ADCK1: variants seen among roughly 807,000 people sequenced by gnomAD.
ADCK1 encodes the protein aarF domain containing kinase 1, also known as aarF domain-containing protein kinase 1.
Under a neutral mutation model 52.3 loss-of-function variants are expected in ADCK1, and 41 were observed. The ratio of observed to expected loss-of-function variants is 0.78; its 90% confidence interval spans 0.61 to 1.02. The LOEUF is 1.02. Among genes scored for constraint, ADCK1 ranks in the 50% least tolerant of loss-of-function variants. The probability of loss-of-function intolerance (pLI) is 0.00; values close to 1 mark genes in which losing one functional copy is unlikely to be tolerated. For synonymous variants in ADCK1, 250 were observed against 274.6 expected, an observed-to-expected ratio of 0.91 and a Z score of 0.89; for missense variants, 658 against 679.5, an observed-to-expected ratio of 0.97 and a Z score of 0.35.
rs1268097991 is a variant in ADCK1 at position 77,875,083 on chromosome 14, GA to G, written c.424-12006del. On this transcript the variant is annotated intron_variant, in intron 4 of 10. Transcript: ENST00000238561. ...TGAGGGGGTCTGAGGCTGGTGTGGG[GA>G]ACAAGAGTAGAACTCACTGGAAGAC... 3.3e-5 allele frequency among the ~76,000 whole-genome samples: 5 copies of G among 152,298 alleles called. No individual in the cohort carries two copies. In the East Asian group the frequency reaches 9.7e-4, roughly 29 times the overall value.
chr14:77,927,455 GT>G (rs538606025), intron 9 of ADCK1, among the ~76,000 whole-genome samples: 5 of 152,204 alleles, frequency 3.3e-5, no homozygotes, highest in Non-Finnish European at 7.3e-5. Context: ...ACAAACATTT[GT>G]TTTTGTTGGG....
At chr14:77,932,956 A>G (rs1370467173) in intron 10 of ADCK1, among the ~76,000 whole-genome samples, 2 of 152,242 alleles carry the variant, frequency 1.3e-5, no homozygotes, top group African/African-American at 2.4e-5. Context: ...GTTCTACCCA[A>G]TGGGTTTATT....
chr14:77,922,750 A>C (rs751269726), intron 7 of ADCK1, among the ~76,000 whole-genome samples: 2 of 152,214 alleles, frequency 1.3e-5, no homozygotes, highest in Non-Finnish European at 2.9e-5. Context: ...TTGATGAATC[A>C]GTTTCACATC....
intron 7 of ADCK1, among the ~76,000 whole-genome samples, chr14:77,918,912 TC>T (rs2083986813): frequency 6.6e-6 from 1 of 152,244 alleles, no homozygotes; most frequent in African/African-American, 2.4e-5. Context: ...GGTTGTGACT[TC>T]TTTTTATGCC....
intron 9 of ADCK1, among the ~76,000 whole-genome samples, chr14:77,926,389 G>A (rs980691097): frequency 3.9e-5 from 6 of 152,192 alleles, no homozygotes; most frequent in African/African-American, 1.4e-4. Flanking sequence ...CCCATCACAT[G>A]GCTCCTCTAA....
intron 10 of ADCK1, 25 bp downstream of exon 10, chr14:77,931,736 T>A (rs372083855): frequency 1.1e-5 from 17 of 1,591,140 alleles, no homozygotes; most frequent in Middle Eastern, 1.7e-4. Context: ...CTCCCTCTCC[T>A]CCCCTCCTAG....
rs918122337 is a variant in ADCK1, at chr14:77,910,123, A to G, written c.858+2204A>G. On this transcript the variant is annotated intron_variant, in intron 7 of 10. Coordinates refer to ENST00000238561, the MANE Select transcript of ADCK1 (RefSeq NM_020421.4). ...GAACAGTGCTTCAATAACCCATTCA[A>G]GGGCCTTGGGGTGTGTGGGATATGG... Among the ~76,000 whole-genome samples, 3 of 152,046 alleles carry G rather than the reference A, an allele frequency of 2.0e-5. No individual in the cohort carries two copies. The South Asian group carries it at 6.2e-4, about 32-fold the overall frequency.
intron 6 of ADCK1, chr14:77,900,729 T>C: frequency 2.6e-6 from 1 of 388,754 alleles, no homozygotes; most frequent in Non-Finnish European, 5.1e-6. Flanking sequence ...TGCAGCTTTC[T>C]GCATTCACAG....
chr14:77,879,575 G>A (rs2082975555), intron 4 of ADCK1, among the ~76,000 whole-genome samples: 1 of 152,176 alleles, frequency 6.6e-6, no homozygotes, highest in African/African-American at 2.4e-5. Context: ...GAGGTAGGCC[G>A]GGTCAGACCC....
chr14:77,818,895 G>T lies in ADCK1; in HGVS notation c.-11-73G>T, dbSNP rs561410967. The T allele has an allele frequency of 5.3e-5, 81 of 1,541,134 alleles. No individual in the cohort carries two copies. In the South Asian group the frequency reaches 9.3e-4, roughly 18 times the overall value. ...CATATAATCTAAGTGGTAGAGCTGG[G>T]ATTTGAACTTCAGTTTGACTAACTA... On this transcript the variant is annotated intron_variant, in intron 1 of 10. Transcript: ENST00000238561.
intron 6 of ADCK1, among the ~76,000 whole-genome samples, chr14:77,905,425 C>T (rs988115368): frequency 2.0e-5 from 3 of 149,224 alleles, no homozygotes; most frequent in African/African-American, 7.4e-5. Flanking sequence ...ATTCTCTTTC[C>T]TCAGCCTCAG....
At chr14:77,879,131 T>G (rs2082963667) in intron 4 of ADCK1, among the ~76,000 whole-genome samples, 1 of 151,974 alleles carries the variant, frequency 6.6e-6, no homozygotes, top group Non-Finnish European at 1.5e-5. Flanking sequence ...GTGTTTCAGC[T>G]CCCCTGGATC....
At chr14:77,858,891 G>T (rs540278532) in intron 3 of ADCK1, among the ~76,000 whole-genome samples, 185 bp from the exon 4 acceptor site, 14 of 152,140 alleles carry the variant, frequency 9.2e-5, no homozygotes, top group Non-Finnish European at 2.1e-4. Flanking sequence ...GGAGTTGACT[G>T]CCCCGTGTAC....
chr14:77,833,252 G>T (rs77413855), intron 3 of ADCK1, among the ~76,000 whole-genome samples: 155 of 152,260 alleles, frequency 1.0e-3, no homozygotes, highest in African/African-American at 3.4e-3. Flanking sequence ...TAGTGGTCTG[G>T]GTCTCATTGA....
chr14:77,830,049 T>C (rs2081808005), intron 3 of ADCK1, among the ~76,000 whole-genome samples: 1 of 151,354 alleles, frequency 6.6e-6, no homozygotes, highest in African/African-American at 2.4e-5. Context: ...TTTTAAGCCA[T>C]AGACAATAGG....
intron 3 of ADCK1, among the ~76,000 whole-genome samples, chr14:77,855,313 A>G (rs1448350659): frequency 1.3e-5 from 2 of 152,252 alleles, no homozygotes; most frequent in Non-Finnish European, 2.9e-5. Flanking sequence ...ACCCCATGTA[A>G]TCTTCGTAGC....
At chr14:77,892,959 G>A (rs2083313959) in intron 5 of ADCK1, among the ~76,000 whole-genome samples, 1 of 152,178 alleles carries the variant, frequency 6.6e-6, no homozygotes, top group Non-Finnish European at 1.5e-5. Flanking sequence ...AGAGGGGAGA[G>A]AGCCTCTAGG....
intron 3 of ADCK1, among the ~76,000 whole-genome samples, chr14:77,839,843 C>T (rs1366355409): frequency 3.5e-5 from 5 of 144,402 alleles, no homozygotes; most frequent in South Asian, 2.2e-4. Context: ...CGCTTGAACC[C>T]GGGAAGTCGA....
intron 4 of ADCK1, 58 bp from the exon 5 acceptor site, chr14:77,887,033 T>C (rs986894958): frequency 3.4e-6 from 5 of 1,487,544 alleles, no homozygotes; most frequent in Non-Finnish European, 2.7e-6. Flanking sequence ...TCTTCCTGGC[T>C]CCCTCTCACT....
Sources: allele counts gnomAD v4.1 joint callset (sites outside exome capture counted in the v4.1 genomes callset), GRCh38; gene constraint gnomAD v4.1.1; transcripts MANE v1.5; gene names NCBI Gene and HGNC (gene_info 2026-07-23, HGNC 2026-07-21).